Variants in GSDME observed in about 807,000 individuals in gnomAD.
The protein encoded by GSDME is gasdermin E.
A neutral mutation model predicts 47.5 loss-of-function variants in GSDME; 44 were observed. The ratio of observed to expected loss-of-function variants is 0.93; its 90% CI spans 0.73 to 1.19. The LOEUF (loss-of-function observed/expected upper bound fraction) is 1.19. GSDME is among the 50% of genes most tolerant of loss of function. The probability of loss-of-function intolerance (pLI) is 0.00; values close to 1 mark genes in which losing one functional copy is unlikely to be tolerated. For missense variants in GSDME, 663 were observed against 604.2 expected (o/e 1.10, Z -1.02); for synonymous variants, 258 against 252.8 (o/e 1.02, Z -0.20).
chr7:24,738,851 T>C (rs1192964984), intron 3 of GSDME, among the ~76,000 whole-genome samples: 1 of 152,232 alleles, frequency 6.6e-6, no homozygotes, highest in Non-Finnish European at 1.5e-5. Flanking sequence ...GAACTCATTT[T>C]CAATAAAGGT....
chr7:24,725,592 C>T lies in GSDME; in HGVS notation c.405-6374G>A, dbSNP rs569203957. ...TCTAAGGGGGTGCGCATGAGAGGGT[C>T]GTGATCGATTGAGCAAGCAGTGGGT... On this transcript the variant is annotated intron_variant, in intron 3 of 9. Transcript: ENST00000645220. This position sits in a 1 kb window ranked among gnomAD's most constrained non-coding sequence, Gnocchi z 5.1. Among the ~76,000 whole-genome samples the T allele has an allele frequency of 6.6e-6, 1 of 152,126 alleles. No homozygotes were observed. Among genetic ancestry groups the T allele is most frequent in the Non-Finnish European group, 1.5e-5 (1 of 68,026 alleles).
Position 24,747,293 on chromosome 7 carries a change from G to A in GSDME, c.211+2271C>T, listed in dbSNP as rs903726248. The stretch of plus-strand genomic sequence containing the variant: ...TAATATCAATTCATTTGCCTATTGT[G>A]TGACAGCTCTGATGAGCTGACTGGA... On this transcript the variant is annotated intron_variant, in intron 2 of 9. Transcript: ENST00000645220. Among the ~76,000 whole-genome samples, 4 of 152,210 alleles carry A rather than the reference G, an allele frequency of 2.6e-5. No homozygotes were observed. In the South Asian group the frequency reaches 8.3e-4, roughly 32 times the overall value.
chr7:24,731,403 C>T (rs138536014), intron 3 of GSDME, among the ~76,000 whole-genome samples: 249 of 152,354 alleles, frequency 1.6e-3, no homozygotes, highest in African/African-American at 5.3e-3. Flanking sequence ...GGTGGTCAGT[C>T]GCTCCACGGT....
chr7:24,718,577 T>C (rs1789656103), intron 4 of GSDME, among the ~76,000 whole-genome samples: 1 of 152,208 alleles, frequency 6.6e-6, no homozygotes, highest in Admixed American at 6.5e-5. Flanking sequence ...GTGTGTTCAT[T>C]TTTCTTGGGG....
In GSDME at chr7:24,726,772, C is replaced by T. The variant is rs2128056679; in HGVS notation, c.405-7554G>A. Among the ~76,000 whole-genome samples the T allele has an allele frequency of 6.7e-6, 1 of 150,214 alleles. No individual in the cohort carries two copies. Among genetic ancestry groups the T allele is most frequent in the South Asian group, 2.1e-4 (1 of 4,724 alleles). On this transcript the variant is annotated intron_variant, in intron 3 of 9. Transcript: ENST00000645220. This position sits in a 1 kb window ranked among gnomAD's most constrained non-coding sequence, Gnocchi z 5.6. Reference sequence around the variant, plus strand: ...CAGTGAGCCGAGATCGCCCACTGCACTCCAGCCCGGGGGACAGAGCGAGAC... The same window carrying T: ...CAGTGAGCCGAGATCGCCCACTGCATTCCAGCCCGGGGGACAGAGCGAGAC...
upstream of GSDME, among the ~76,000 whole-genome samples, chr7:24,762,352 T>C (rs549140229): frequency 3.1e-3 from 475 of 152,256 alleles, 2 homozygotes; most frequent in Non-Finnish European, 5.2e-3. Flanking sequence ...CATACGTTAT[T>C]ATCAGCATTA....
intron 3 of GSDME, among the ~76,000 whole-genome samples, chr7:24,730,298 A>G (rs1013541055): frequency 1.3e-5 from 2 of 152,200 alleles, no homozygotes; most frequent in African/African-American, 4.8e-5. Flanking sequence ...TTACATTTTA[A>G]CATCTCAGAA....
chr7:24,784,174 A>G, the GSDME span, among the ~76,000 whole-genome samples: 1 of 152,202 alleles, frequency 6.6e-6, no homozygotes, highest in East Asian at 1.9e-4. Flanking sequence ...TGGAAATTTG[A>G]CTTTCTTCTA....
At chr7:24,706,014 G>C (rs564225443) in intron 8 of GSDME, 170 bp downstream of exon 8, 25 of 803,340 alleles carry the variant, frequency 3.1e-5, no homozygotes, top group African/African-American at 1.4e-4. Context: ...GAGACCGAAG[G>C]GGGGTTTCCC....
At chr7:24,779,092 A>C in the GSDME span, among the ~76,000 whole-genome samples, 1 of 152,220 alleles carries the variant, frequency 6.6e-6, no homozygotes, top group Non-Finnish European at 1.5e-5. The surrounding 1 kb of genome is among the most constrained non-coding windows in gnomAD (Gnocchi z 6.0). Context: ...GCAGCCGATG[A>C]GACAGCCTGA....
rs371684537 is a variant in GSDME, at chr7:24,710,417, G to C, written c.698-29C>G. ...TAGTGCAGGAGAAAAGGACAAGTTA[G>C]GTAAAGTTGAGTCTAAGGTGTGCCA... is the stretch of plus-strand genomic sequence containing the variant. On this transcript the variant is annotated intron_variant, in intron 5 of 9. Coordinates refer to ENST00000645220, the MANE Select transcript of GSDME (RefSeq NM_001127453.2). The C allele has an allele frequency of 1.0e-4, 165 of 1,613,766 alleles. No individual in the cohort carries two copies. In the African/African-American group the frequency reaches 2.1e-3, roughly 21 times the overall value.
chr7:24,774,774 G>A, the GSDME span, among the ~76,000 whole-genome samples: 525 of 152,048 alleles, frequency 3.5e-3, 3 homozygotes, highest in Non-Finnish European at 6.0e-3. Context: ...CTCATGATTC[G>A]CCCAACTCGG....
At chr7:24,706,466 G>A in intron 7 of GSDME, 90 bp from the exon 8 acceptor site, 1 of 1,318,630 alleles carries the variant, frequency 7.6e-7, no homozygotes, top group Middle Eastern at 2.6e-4. Context: ...ACAAGCCCCA[G>A]CCCTTCCCAC....
At chr7:24,722,666 G>C (rs1789832947) in intron 3 of GSDME, among the ~76,000 whole-genome samples, 1 of 152,154 alleles carries the variant, frequency 6.6e-6, no homozygotes, top group Non-Finnish European at 1.5e-5. Context: ...AGAATCCACT[G>C]AACACTGGAC....
the GSDME span, among the ~76,000 whole-genome samples, chr7:24,786,859 G>A: frequency 6.6e-6 from 1 of 152,168 alleles, no homozygotes; most frequent in Non-Finnish European, 1.5e-5. This position sits in a 1 kb window ranked among gnomAD's most constrained non-coding sequence, Gnocchi z 5.5. Flanking sequence ...TGATCATGTA[G>A]GCAGTCGGCT....
rs768724175 is a variant in GSDME at position 24,706,392 on chromosome 7, G to A, written c.991-16C>T. The A allele has an allele frequency of 1.9e-5, 31 of 1,610,340 alleles. No individual in the cohort carries two copies. Among genetic ancestry groups the A allele is most frequent in the African/African-American group, 2.7e-5 (2 of 74,822 alleles). ...GGTCATCGCACTGTAGGGCAGGGAA[G>A]AAGAAGGGTCATGACACAGCTGGAG... On this transcript the variant is annotated splice_polypyrimidine_tract_variant and intron_variant, in intron 7 of 9. Transcript: ENST00000645220.
At chr7:24,784,475 C>T in the GSDME span, among the ~76,000 whole-genome samples, 2 of 152,068 alleles carry the variant, frequency 1.3e-5, no homozygotes, top group African/African-American at 2.4e-5. Context: ...CCCCGGCAAA[C>T]CACTGGTCTA....
At chr7:24,778,012 AG>A in the GSDME span, among the ~76,000 whole-genome samples, 11 of 151,500 alleles carry the variant, frequency 7.3e-5, no homozygotes, top group African/African-American at 2.7e-4. This position sits in a 1 kb window ranked among gnomAD's most constrained non-coding sequence, Gnocchi z 5.6. Context: ...TTTCCCATAA[AG>A]GCTCCCTCTA....
At chr7:24,746,633 G>A (rs1445993042) in intron 2 of GSDME, among the ~76,000 whole-genome samples, 5 of 152,162 alleles carry the variant, frequency 3.3e-5, no homozygotes, top group Admixed American at 3.3e-4. Flanking sequence ...ACCACTCCTG[G>A]AAACCCTGTC....
Sources: allele counts gnomAD v4.1 joint callset (sites outside exome capture counted in the v4.1 genomes callset), GRCh38; gene constraint gnomAD v4.1.1; non-coding constraint Gnocchi (gnomAD v3.1); transcripts MANE v1.5; gene names NCBI Gene and HGNC (gene_info 2026-07-23, HGNC 2026-07-21).